The following PPP1R3A variants were observed in gnomAD, a reference collection of about 807,000 sequenced individuals.
PPP1R3A encodes the protein RG1.
PPP1R3A carries 29 observed loss-of-function variants against 41.7 expected under a neutral mutation model. The ratio of observed to expected loss-of-function variants is 0.70; its 90% CI spans 0.52 to 0.95. The LOEUF (loss-of-function observed/expected upper bound fraction) is 0.95. Among genes scored for constraint, PPP1R3A ranks in the 40% least tolerant of loss-of-function variants. The probability of loss-of-function intolerance (pLI) is 0.00; values close to 1 mark genes in which losing one functional copy is unlikely to be tolerated. For synonymous variants in PPP1R3A, 485 were observed against 453.4 expected (o/e 1.07, Z -0.89); for missense variants, 1,352 against 1,292.4 (o/e 1.05, Z -0.71).
intron 1 of PPP1R3A, among the ~76,000 whole-genome samples, chr7:113,896,461 C>T (rs747479906): frequency 1.3e-4 from 19 of 151,690 alleles, no homozygotes; most frequent in Admixed American, 4.6e-4. Flanking sequence ...CTAAACCAGT[C>T]GAAGTTCAGT....
intron 1 of PPP1R3A, among the ~76,000 whole-genome samples, chr7:113,914,009 T>C (rs1328723852): frequency 6.6e-6 from 1 of 152,092 alleles, no homozygotes; most frequent in Non-Finnish European, 1.5e-5. Flanking sequence ...TACAGTTCTT[T>C]AGTAAACATT....
intron 1 of PPP1R3A, among the ~76,000 whole-genome samples, chr7:113,917,103 G>A (rs529834041): frequency 1.3e-5 from 2 of 151,830 alleles, no homozygotes; most frequent in African/African-American, 2.4e-5. Flanking sequence ...TCCCAATATC[G>A]TATCTTATGC....
chr7:113,901,049 G>A (rs1287434035), intron 1 of PPP1R3A, among the ~76,000 whole-genome samples: 3 of 151,548 alleles, frequency 2.0e-5, no homozygotes, highest in Middle Eastern at 3.4e-3. Flanking sequence ...GGGAAAAGAC[G>A]GACCTGAAAC....
Position 113,904,090 on chromosome 7 carries a change from C to T in PPP1R3A, c.782+14125G>A, listed in dbSNP as rs890403431. 4.0e-5 allele frequency among the ~76,000 whole-genome samples: 6 copies of T among 151,738 alleles called. 1 individual carries two copies. The highest frequency in any genetic ancestry group is 3.9e-4 in the Admixed American group (6 of 15,196). On this transcript the variant is annotated intron_variant, in intron 1 of 3. Coordinates refer to ENST00000284601, the MANE Select transcript of PPP1R3A (RefSeq NM_002711.4). The stretch of plus-strand genomic sequence containing the variant: ...TCACTCTATTTGGTAAATACCATGT[C>T]GATAGCTAACTTCTCATGTGTACAA...
chr7:113,914,175 A>G (rs916265935), intron 1 of PPP1R3A, among the ~76,000 whole-genome samples: 3 of 152,158 alleles, frequency 2.0e-5, no homozygotes, highest in Non-Finnish European at 4.4e-5. Context: ...TGTGTCTAAC[A>G]TGCTATATTA....
At chr7:113,887,951 C>T (rs924170135) in intron 1 of PPP1R3A, among the ~76,000 whole-genome samples, 2 of 151,856 alleles carry the variant, frequency 1.3e-5, no homozygotes, top group African/African-American at 4.8e-5. Flanking sequence ...TAGCTTGAGC[C>T]TGGGAGGAGG....
Position 113,882,138 on chromosome 7 carries a change from AC to A in PPP1R3A, c.866del (p.Cys289PhefsTer16), listed in dbSNP as rs766047066. Reference sequence around the variant, plus strand: ...CCAAATCTTCCTTGTCCTCATGAGAACAAATGATTGTTGGGATATAGGTATC... The same window carrying A: ...CCAAATCTTCCTTGTCCTCATGAGAAAAATGATTGTTGGGATATAGGTATC... Reference protein sequence around the residue: ...NTDTYIPTIICSHEDKEDLEA... With the variant: ...NTDTYIPTIIXSHEDKEDLEA... On this transcript the variant is annotated frameshift_variant, in exon 3 of 4. Coordinates refer to ENST00000284601, the MANE Select transcript of PPP1R3A (RefSeq NM_002711.4). LOFTEE classifies it high-confidence loss of function. The A allele has an allele frequency of 1.2e-5, 19 of 1,611,804 alleles. No individual in the cohort carries two copies. Among genetic ancestry groups the A allele is most frequent in the Non-Finnish European group, 1.5e-5 (18 of 1,178,370 alleles).
At chr7:113,903,286 G>A (rs560476591) in intron 1 of PPP1R3A, among the ~76,000 whole-genome samples, 11 of 151,830 alleles carry the variant, frequency 7.2e-5, no homozygotes, top group African/African-American at 1.2e-4. Flanking sequence ...TGAATCACCC[G>A]TGAAATAGGT....
intron 1 of PPP1R3A, among the ~76,000 whole-genome samples, chr7:113,891,110 A>AAC: frequency 6.6e-6 from 1 of 150,712 alleles, no homozygotes; most frequent in Non-Finnish European, 1.5e-5. Context: ...AAAAAAAAAA[A>AAC]AAAACCCTGC....
chr7:113,889,651 G>A (rs1436421897), intron 1 of PPP1R3A, among the ~76,000 whole-genome samples: 1 of 152,090 alleles, frequency 6.6e-6, no homozygotes, highest in Admixed American at 6.6e-5. Context: ...GAAATTTTAT[G>A]TGACGACTTC....
chr7:113,884,112 T>G (rs138832581), intron 1 of PPP1R3A, among the ~76,000 whole-genome samples: 1 of 152,006 alleles, frequency 6.6e-6, no homozygotes, highest in East Asian at 1.9e-4. Flanking sequence ...GGCAAAGTAA[T>G]AAAATTATAT....
intron 1 of PPP1R3A, among the ~76,000 whole-genome samples, chr7:113,911,367 C>G (rs1797246263): frequency 6.6e-6 from 1 of 152,082 alleles, no homozygotes; most frequent in Non-Finnish European, 1.5e-5. Flanking sequence ...AGATATATTC[C>G]TTTTCGTATA....
In PPP1R3A at chr7:113,878,597, T is replaced by C. The variant is rs760154553; in HGVS notation, c.2495A>G (p.His832Arg). 4.5e-5 allele frequency: 73 copies of C among 1,613,452 alleles called. No homozygotes were observed. The highest frequency in any genetic ancestry group is 1.1e-4 in the South Asian group (10 of 91,082). ...TMSMYNPRKT[H>R]DREKCGTGNI... ...TCCAGTGCCACATTTCTCCCTGTCA[T>C]GTGTCTTCCTAGGATTGTACATAGA... The change falls in exon 4 of 4, where the codon CAT becomes CGT. Residue 832 changes from histidine to arginine, a missense_variant. Coordinates refer to ENST00000284601, the MANE Select transcript of PPP1R3A (RefSeq NM_002711.4).
intron 1 of PPP1R3A, among the ~76,000 whole-genome samples, chr7:113,909,251 G>A (rs1267541195): frequency 6.6e-6 from 1 of 151,978 alleles, no homozygotes; most frequent in African/African-American, 2.4e-5. Flanking sequence ...CTAGAAAATA[G>A]TGTAACTTTA....
chr7:113,916,862 C>T (rs1488544454), intron 1 of PPP1R3A, among the ~76,000 whole-genome samples: 1 of 151,886 alleles, frequency 6.6e-6, no homozygotes, highest in South Asian at 2.1e-4. Context: ...ACTCTCTTTC[C>T]TAACAGCATC....
At position 113,880,201 on chromosome 7, in the gene PPP1R3A, T is replaced by C. The variant is rs8192686; in HGVS notation, c.967-76A>G. On this transcript the variant is annotated intron_variant, in intron 3 of 3. Coordinates refer to ENST00000284601, the MANE Select transcript of PPP1R3A (RefSeq NM_002711.4). ...TATATAGTGAATTAGATAGGTTTTATTAACTCGGCTAGTAATTATCTGGTA... is the reference window on the plus strand; with the variant it reads ...TATATAGTGAATTAGATAGGTTTTACTAACTCGGCTAGTAATTATCTGGTA... The C allele has an allele frequency of 0.1, 132,606 of 1,296,228 alleles. 7,896 individuals are homozygous for C. The highest frequency in any genetic ancestry group is 0.12 in the Non-Finnish European group (115,816 of 931,006). 80.3% of individuals were successfully genotyped at this position (1,296,228 alleles called of 1,614,324 possible).
At chr7:113,894,148 C>A (rs1032209259) in intron 1 of PPP1R3A, among the ~76,000 whole-genome samples, 1 of 151,924 alleles carries the variant, frequency 6.6e-6, no homozygotes, top group African/African-American at 2.4e-5. Flanking sequence ...TTGTCAGGAT[C>A]TAATGCATAA....
intron 1 of PPP1R3A, among the ~76,000 whole-genome samples, chr7:113,885,326 C>A (rs959435971): frequency 2.6e-5 from 4 of 152,120 alleles, no homozygotes; most frequent in African/African-American, 9.7e-5. Context: ...GGATTACAGG[C>A]ATGAGCCACC....
chr7:113,914,061 T>C lies in PPP1R3A; in HGVS notation c.782+4154A>G, dbSNP rs1261374334. Among the ~76,000 whole-genome samples the C allele has an allele frequency of 3.9e-5, 6 of 152,086 alleles. No homozygotes were observed. In the East Asian group the frequency reaches 1.2e-3, roughly 29 times the overall value. On this transcript the variant is annotated intron_variant, in intron 1 of 3. Coordinates refer to ENST00000284601, the MANE Select transcript of PPP1R3A (RefSeq NM_002711.4). ...GAGCCTGAAACAAGGAAACCTATGA[T>C]GTATGGAGAAATAATGCAAGTTCAA...
Sources: allele counts gnomAD v4.1 joint callset (sites outside exome capture counted in the v4.1 genomes callset), GRCh38; gene constraint gnomAD v4.1.1; transcripts MANE v1.5; gene names NCBI Gene and HGNC (gene_info 2026-07-23, HGNC 2026-07-21).